The following RNF214 variants were observed in gnomAD, a reference collection of about 807,000 sequenced individuals.
RNF214 encodes the protein ring finger protein 214.
In RNF214, 25 loss-of-function variants were observed where a neutral mutation model predicts 75.9. That is an observed-to-expected ratio of 0.33 (90% CI 0.24 to 0.46). The LOEUF is 0.46. Among genes scored for constraint, RNF214 ranks in the 20% least tolerant of loss-of-function variants. The pLI, the probability that RNF214 is intolerant of heterozygous loss-of-function variation, is 1.00. For synonymous variants in RNF214, 314 were observed against 308.8 expected (o/e 1.02, Z -0.18); for missense variants, 725 against 857.5 (o/e 0.85, Z 1.93).
At chr11:117,259,797 A>C (rs2033613307) in intron 6 of RNF214, among the ~76,000 whole-genome samples, 1 of 151,786 alleles carries the variant, frequency 6.6e-6, no homozygotes, top group Non-Finnish European at 1.5e-5. Context: ...TGTGTAGTAG[A>C]AGTTCTTTTT....
At chr11:117,246,627 C>T (rs2033232882) in intron 5 of RNF214, among the ~76,000 whole-genome samples, 182 bp from the exon 6 acceptor site, 1 of 152,236 alleles carries the variant, frequency 6.6e-6, no homozygotes, top group Admixed American at 6.5e-5. Flanking sequence ...ATTACTATAA[C>T]TTTCTCCTTT....
At chr11:117,246,149 G>A (rs1235914243) in intron 5 of RNF214, among the ~76,000 whole-genome samples, 2 of 151,738 alleles carry the variant, frequency 1.3e-5, no homozygotes, top group Non-Finnish European at 1.5e-5. Flanking sequence ...TATTTTTTGT[G>A]AGACAAGATC....
In RNF214 at chr11:117,238,591, T is replaced by C. The variant is rs1330822320; in HGVS notation, c.108-10T>C. On this transcript the variant is annotated splice_polypyrimidine_tract_variant and intron_variant, in intron 2 of 14. Transcript: ENST00000300650. Reference sequence around the variant, plus strand: ...TATATACTTTTCTTTTTATCTTGTGTGTTTGATAGCACCAAAGACTCTGCA... The same window carrying C: ...TATATACTTTTCTTTTTATCTTGTGCGTTTGATAGCACCAAAGACTCTGCA... 2.5e-6 allele frequency: 4 copies of C among 1,595,800 alleles called. No homozygotes were observed. The highest frequency in any genetic ancestry group is 2.6e-6 in the Non-Finnish European group (3 of 1,171,574).
chr11:117,247,990 A>G (rs1221549792), intron 6 of RNF214, among the ~76,000 whole-genome samples: 1 of 152,182 alleles, frequency 6.6e-6, no homozygotes, highest in Non-Finnish European at 1.5e-5. Flanking sequence ...TGAAAGAATT[A>G]TTTAGAGGAT....
At chr11:117,258,865 T>C (rs902294518) in intron 6 of RNF214, among the ~76,000 whole-genome samples, 5 of 152,256 alleles carry the variant, frequency 3.3e-5, no homozygotes, top group Admixed American at 1.3e-4. Flanking sequence ...ATCAATCTTA[T>C]ACAGTGTACT....
At chr11:117,278,391 A>G (rs1179993983) in intron 6 of RNF214, among the ~76,000 whole-genome samples, 1 of 152,166 alleles carries the variant, frequency 6.6e-6, no homozygotes, top group African/African-American at 2.4e-5. Flanking sequence ...TAATTTAAGT[A>G]TTTTCATCCT....
chr11:117,249,774 C>T (rs866087950), intron 6 of RNF214, among the ~76,000 whole-genome samples: 2 of 152,162 alleles, frequency 1.3e-5, no homozygotes, highest in African/African-American at 2.4e-5. Context: ...CATGCACATT[C>T]CTGGTGTCTC....
At position 117,281,421 on chromosome 11, in the gene RNF214, G is replaced by T; in HGVS notation, c.1236+17G>T. 2 of 1,582,854 alleles carry T rather than the reference G, an allele frequency of 1.3e-6. No homozygotes were observed. Among genetic ancestry groups the T allele is most frequent in the Non-Finnish European group, 1.7e-6 (2 of 1,151,652 alleles). On this transcript the variant is annotated intron_variant, in intron 9 of 14. Transcript: ENST00000300650. ...AATGTTCGTGTAAGTGTATCTATGA[G>T]TCATCATTCAGTCAGTGTTAGTCTG...
At chr11:117,237,810 A>G (rs2032951588) in intron 2 of RNF214, among the ~76,000 whole-genome samples, 1 of 152,228 alleles carries the variant, frequency 6.6e-6, no homozygotes, top group Non-Finnish European at 1.5e-5. Context: ...ATTGTACTTT[A>G]GACAACTTAA....
At chr11:117,251,488 C>A (rs867900611) in intron 6 of RNF214, among the ~76,000 whole-genome samples, 6 of 72,786 alleles carry the variant, frequency 8.2e-5, no homozygotes, top group South Asian at 1.4e-3. Flanking sequence ...CTGACCCCCC[C>A]ACCTCCCTCC....
At chr11:117,270,817 CT>C (rs2033895935) in intron 6 of RNF214, among the ~76,000 whole-genome samples, 1 of 152,160 alleles carries the variant, frequency 6.6e-6, no homozygotes, top group Non-Finnish European at 1.5e-5. Flanking sequence ...ACTCAAATGC[CT>C]GGACTCAAGC....
chr11:117,234,141 C>T (rs141034679), intron 1 of RNF214, 126 bp from the exon 2 acceptor site: 23 of 697,000 alleles, frequency 3.3e-5, no homozygotes, highest in East Asian at 7.6e-5. Context: ...TATTTTCTCC[C>T]GGAGCCCAGG....
At chr11:117,232,842 G>A (rs1326384045) in intron 1 of RNF214, 116 bp downstream of exon 1, 3 of 150,508 alleles carry the variant, frequency 2.0e-5, no homozygotes, top group South Asian at 2.1e-4. Flanking sequence ...CGGGTGGGGG[G>A]CGTGGAGGGT....
At chr11:117,265,467 G>A (rs543083900) in intron 6 of RNF214, among the ~76,000 whole-genome samples, 2 of 152,046 alleles carry the variant, frequency 1.3e-5, no homozygotes, top group African/African-American at 4.8e-5. Context: ...AGGCTGGAGT[G>A]CAATGGCGTG....
rs995923300 is a variant in RNF214, at chr11:117,234,001, T to G, written c.-6-266T>G. On this transcript the variant is annotated intron_variant, in intron 1 of 14. Transcript: ENST00000300650. ...ATGTATTGTTTGAAATGACTACATT[T>G]CTGCCAAAAGTGAAAATAAGATCTT... is the stretch of plus-strand genomic sequence containing the variant. 2.6e-5 allele frequency among the ~76,000 whole-genome samples: 4 copies of G among 152,234 alleles called. No individual in the cohort carries two copies. In the East Asian group the frequency reaches 7.7e-4, roughly 29 times the overall value.
At chr11:117,259,012 A>C (rs991750329) in intron 6 of RNF214, among the ~76,000 whole-genome samples, 1 of 152,132 alleles carries the variant, frequency 6.6e-6, no homozygotes, top group Non-Finnish European at 1.5e-5. Flanking sequence ...GCTGGAGTGC[A>C]GTGACATGAT....
intron 4 of RNF214, among the ~76,000 whole-genome samples, chr11:117,240,578 C>T (rs2033050258): frequency 6.6e-6 from 1 of 151,512 alleles, no homozygotes; most frequent in Admixed American, 6.6e-5. Flanking sequence ...ATCCCAGCTA[C>T]TCGGGAGGCT....
chr11:117,263,053 T>A (rs956317241), intron 6 of RNF214, among the ~76,000 whole-genome samples: 1 of 151,752 alleles, frequency 6.6e-6, no homozygotes, highest in Non-Finnish European at 1.5e-5. Context: ...GCACTCCACT[T>A]GCCTCAGCCT....
Position 117,285,161 on chromosome 11 carries a change from C to A in RNF214, c.*10C>A. 6.3e-7 allele frequency: 1 copy of A among 1,594,836 alleles called. No individual in the cohort carries two copies. Among genetic ancestry groups the A allele is most frequent in the Non-Finnish European group, 8.6e-7 (1 of 1,162,558 alleles). ...TCCAACTCTTAAATGACGGACCTGA[C>A]TGGGGAGGAAGAAGAAGAGAAACTG... On this transcript the variant is annotated 3_prime_UTR_variant, in exon 15 of 15. Transcript: ENST00000300650.
Sources: allele counts gnomAD v4.1 joint callset (sites outside exome capture counted in the v4.1 genomes callset), GRCh38; gene constraint gnomAD v4.1.1; transcripts MANE v1.5; gene names NCBI Gene and HGNC (gene_info 2026-07-23, HGNC 2026-07-21).